VPS13C: variants seen among roughly 807,000 people sequenced by gnomAD.
VPS13C encodes the protein intermembrane lipid transfer protein VPS13C.
In VPS13C, 358 loss-of-function variants were observed where a neutral mutation model predicts 456.8. The ratio of observed to expected loss-of-function variants is 0.78; its 90% CI spans 0.72 to 0.86. The LOEUF (loss-of-function observed/expected upper bound fraction) is 0.86. Ranked by LOEUF, VPS13C falls within the 40% of genes least tolerant of loss-of-function variation. The pLI is 0.00. For missense variants in VPS13C, 4,818 were observed against 4,385.4 expected (o/e 1.10, Z -2.79); for synonymous variants, 1,578 against 1,486.7 (o/e 1.06, Z -1.41).
At chr15:62,002,577 G>C (rs1308023475) in intron 15 of VPS13C, among the ~76,000 whole-genome samples, 1 of 152,138 alleles carries the variant, frequency 6.6e-6, no homozygotes, top group Non-Finnish European at 1.5e-5. Context: ...TGGTGTTTTA[G>C]ACATGAAGTC....
chr15:62,046,047 G>T (rs1024878277), intron 1 of VPS13C, among the ~76,000 whole-genome samples: 1 of 152,032 alleles, frequency 6.6e-6, no homozygotes, highest in Non-Finnish European at 1.5e-5. Flanking sequence ...ATGTAATAAA[G>T]TTCATTTTCT....
Position 61,915,728 on chromosome 15 carries a change from A to G in VPS13C, c.8350T>C (p.Tyr2784His). 6.2e-7 allele frequency: 1 copy of G among 1,614,180 alleles called. No individual in the cohort carries two copies. The highest frequency in any genetic ancestry group is 8.5e-7 in the Non-Finnish European group (1 of 1,180,032). Reference protein sequence around the residue: ...LINKTTRVLQYRSEDIHVKHP... With the variant: ...LINKTTRVLQHRSEDIHVKHP... ...TTCACATGAATATCTTCTGAACGAT[A>G]CTGGAGAACCCGGGTAGTCTTGTTG... Residue 2784 changes from tyrosine (Y) to histidine (H), a missense_variant, in exon 61 of 85, where the codon TAT becomes CAT. Tyr to His is a moderately conservative substitution (Grantham distance 83). This residue lies in a region of VPS13C where 4,552 missense variants were observed against 4,130.6 expected (regional missense o/e 1.10). Coordinates refer to ENST00000644861, the MANE Select transcript of VPS13C (RefSeq NM_020821.3).
At position 61,868,676 on chromosome 15, in the gene VPS13C, C is replaced by T; in HGVS notation, c.10846G>A (p.Gly3616Ser). Reference sequence around the variant, plus strand: ...AAATTTACCTCAAGTAAGTCAGAGCCCTCAGATTCCTGTCTGTCATAAGGA... The same window carrying T: ...AAATTTACCTCAAGTAAGTCAGAGCTCTCAGATTCCTGTCTGTCATAAGGA... ...IRPYDRQESEGSDLLENHIKK... is the reference protein window; with the variant it reads ...IRPYDRQESESSDLLENHIKK... The change falls in exon 81 of 85, where the codon GGC becomes AGC. Residue 3616 changes from glycine to serine, a missense_variant. Physicochemically the swap from Gly to Ser is moderately conservative, Grantham distance 56. This residue lies in a region of VPS13C where 261 missense variants were observed against 234.1 expected (regional missense o/e 1.11). Coordinates refer to ENST00000644861, the MANE Select transcript of VPS13C (RefSeq NM_020821.3). The T allele has an allele frequency of 6.2e-7, 1 of 1,614,084 alleles. No homozygotes were observed. Among genetic ancestry groups the T allele is most frequent in the Non-Finnish European group, 8.5e-7 (1 of 1,180,020 alleles).
intron 18 of VPS13C, among the ~76,000 whole-genome samples, chr15:61,985,335 C>G (rs1004728990): frequency 1.3e-5 from 2 of 152,192 alleles, no homozygotes; most frequent in Admixed American, 1.3e-4. Context: ...CAGCTCACTG[C>G]AACCTCCACC....
chr15:62,005,827 C>G (rs1263274573), intron 15 of VPS13C, among the ~76,000 whole-genome samples: 1 of 151,790 alleles, frequency 6.6e-6, no homozygotes, highest in Non-Finnish European at 1.5e-5. Context: ...CTCAGCCTCC[C>G]GAGTAACTGG....
Position 61,913,271 on chromosome 15 carries a change from G to C in VPS13C, c.8550+40C>G, listed in dbSNP as rs200255789. On this transcript the variant is annotated intron_variant, in intron 62 of 84. Coordinates refer to ENST00000644861, the MANE Select transcript of VPS13C (RefSeq NM_020821.3). ...ACTTGTTTGTTGAACTGTAGCAAAGGTGAACGGAATCAAAGGTAAATAAGG... is the reference window on the plus strand; with the variant it reads ...ACTTGTTTGTTGAACTGTAGCAAAGCTGAACGGAATCAAAGGTAAATAAGG... The C allele has an allele frequency of 8.2e-5, 128 of 1,563,310 alleles. 1 individual carries two copies. The Admixed American group carries it at 2.1e-3, about 25-fold the overall frequency.
chr15:61,934,045 A>G (rs1196194287), intron 49 of VPS13C, among the ~76,000 whole-genome samples, 174 bp downstream of exon 49: 2 of 152,154 alleles, frequency 1.3e-5, no homozygotes, highest in Non-Finnish European at 2.9e-5. Context: ...GATTAGAAAC[A>G]CTAACAAAGT....
At chr15:62,008,826 T>C (rs2046943715) in intron 13 of VPS13C, 65 bp from the exon 14 acceptor site, 7 of 1,025,016 alleles carry the variant, frequency 6.8e-6, no homozygotes, top group Non-Finnish European at 9.4e-6. Context: ...CTAAATTTAA[T>C]TCTATTTTTT....
intron 29 of VPS13C, among the ~76,000 whole-genome samples, 175 bp from the exon 30 acceptor site, chr15:61,966,317 A>G (rs376327961): frequency 1.3e-5 from 2 of 151,804 alleles, no homozygotes; most frequent in East Asian, 3.9e-4. Context: ...TTATTATAAT[A>G]GTGCAAATGT....
chr15:61,961,506 T>A, intron 35 of VPS13C, 83 bp downstream of exon 35: 1 of 1,327,354 alleles, frequency 7.5e-7, no homozygotes, highest in Non-Finnish European at 1.0e-6. Context: ...GAATAAACTG[T>A]GTTGGGTAGG....
chr15:61,930,060 G>T (rs1157643852), intron 50 of VPS13C, among the ~76,000 whole-genome samples: 1 of 152,068 alleles, frequency 6.6e-6, no homozygotes, highest in Non-Finnish European at 1.5e-5. Flanking sequence ...ACCAATAATG[G>T]CCGGAAAGGA....
At chr15:62,053,755 G>T (rs887212761) in intron 1 of VPS13C, among the ~76,000 whole-genome samples, 8 of 152,204 alleles carry the variant, frequency 5.3e-5, no homozygotes, top group African/African-American at 1.9e-4. Context: ...CCAGTCCAGT[G>T]TTCATTCTCC....
chr15:61,952,097 T>A (rs1266798643), intron 38 of VPS13C, 117 bp from the exon 39 acceptor site: 1 of 1,168,446 alleles, frequency 8.6e-7, no homozygotes, highest in Non-Finnish European at 1.2e-6. Flanking sequence ...AATGTTAAGA[T>A]GTGTACTTCT....
intron 16 of VPS13C, among the ~76,000 whole-genome samples, chr15:61,994,216 T>A (rs1430395917): frequency 1.3e-5 from 2 of 152,200 alleles, no homozygotes; most frequent in South Asian, 2.1e-4. Flanking sequence ...CTCTTCTACA[T>A]CCATCCTTCT....
At chr15:61,870,586 G>C (rs868352770) in intron 79 of VPS13C, among the ~76,000 whole-genome samples, 11 of 152,174 alleles carry the variant, frequency 7.2e-5, no homozygotes, top group African/African-American at 2.7e-4. Flanking sequence ...ATGGTGCTAT[G>C]AACATTTGTG....
At chr15:62,002,066 T>C (rs1380048767) in intron 15 of VPS13C, among the ~76,000 whole-genome samples, 2 of 152,200 alleles carry the variant, frequency 1.3e-5, no homozygotes, top group East Asian at 3.9e-4. Flanking sequence ...ATGGTATTTC[T>C]AGTTCTAGTT....
chr15:62,042,026 A>G (rs111668122), intron 2 of VPS13C, among the ~76,000 whole-genome samples: 1 of 152,344 alleles, frequency 6.6e-6, no homozygotes, highest in African/African-American at 2.4e-5. Context: ...CTAGAACAGA[A>G]AAAAGAAGAG....
intron 1 of VPS13C, among the ~76,000 whole-genome samples, chr15:62,054,532 G>A (rs1473050624): frequency 6.6e-6 from 1 of 152,086 alleles, no homozygotes; most frequent in Non-Finnish European, 1.5e-5. Flanking sequence ...GACAACACAT[G>A]GACACAGGGA....
In VPS13C at chr15:61,951,840, C is replaced by T. The variant is rs762537655; in HGVS notation, c.4440G>A (p.Gln1480=). The T allele has an allele frequency of 5.6e-6, 9 of 1,611,596 alleles. No individual in the cohort carries two copies. The highest frequency in any genetic ancestry group is 7.6e-6 in the Non-Finnish European group (9 of 1,179,068). ...AKAYLKKISM[Q]CFDFTDSKGE... ...CACACTTACCAGTGAAATCAAAGCA[C>T]TGCATACTAATTTTTTTTAGATAAG... Residue 1480 remains glutamine, a synonymous_variant, in exon 39 of 85, where the codon CAG becomes CAA. Transcript: ENST00000644861.
Sources: gnomAD v4.1 joint callset for allele counts (sites outside exome capture counted in the v4.1 genomes callset) on GRCh38, gnomAD v4.1.1 for gene constraint, gnomAD v4.1.1 regional missense constraint, MANE v1.5 for transcripts, NCBI Gene and HGNC (gene_info 2026-07-23, HGNC 2026-07-21) for gene names.